The following TMEM87B variants were observed in gnomAD, a reference collection of about 807,000 sequenced individuals.
The protein encoded by TMEM87B is transmembrane protein 87B.
In TMEM87B, 83 loss-of-function variants were observed where a neutral mutation model predicts 80.3. That is an observed-to-expected ratio of 1.03 (90% CI 0.87 to 1.24). The LOEUF is 1.24. TMEM87B is among the 50% of genes most tolerant of loss of function. The probability of loss-of-function intolerance (pLI) is 0.00; values close to 1 mark genes in which losing one functional copy is unlikely to be tolerated. For missense variants in TMEM87B, 625 were observed against 674.4 expected (o/e 0.93, Z 0.81); for synonymous variants, 219 against 230.5 (o/e 0.95, Z 0.45).
Position 112,077,251 on chromosome 2 carries a change from G to C in TMEM87B, c.561G>C (p.Thr187=), listed in dbSNP as rs145540703. The C allele has an allele frequency of 1.9e-4, 295 of 1,592,282 alleles. 1 individual carries two copies. The African/African-American group carries it at 3.6e-3, about 20-fold the overall frequency. ...ATATCTTTATTGTTTCTATTAAAAC[G>C]GAGAATACAGATGCAAGCTGGAATT... ...GFHIFIVSIK[T]ENTDASWNLN... The change falls in exon 6 of 19, where the codon ACG becomes ACC. Residue 187 remains threonine, a synonymous_variant. Transcript: ENST00000283206.
chr2:112,076,503 C>G (rs1369160714), intron 5 of TMEM87B, among the ~76,000 whole-genome samples: 1 of 151,894 alleles, frequency 6.6e-6, no homozygotes, highest in African/African-American at 2.4e-5. Flanking sequence ...CCACACCCGG[C>G]TAATTTTTGT....
At chr2:112,059,875 A>T in intron 1 of TMEM87B, 102 bp from the exon 2 acceptor site, 1 of 1,387,930 alleles carries the variant, frequency 7.2e-7, no homozygotes, top group Non-Finnish European at 9.6e-7. Flanking sequence ...TACTCTTGTC[A>T]GAGAGAGGAG....
chr2:112,080,271 A>T (rs1478940025), intron 6 of TMEM87B, among the ~76,000 whole-genome samples: 14 of 106,572 alleles, frequency 1.3e-4, no homozygotes, highest in South Asian at 2.9e-4. Flanking sequence ...ATCTTTTTTT[A>T]TTTTTTGAGA....
chr2:112,110,548 T>A (rs898116950), intron 17 of TMEM87B, among the ~76,000 whole-genome samples: 25 of 152,182 alleles, frequency 1.6e-4, no homozygotes, highest in Admixed American at 2.6e-4. Flanking sequence ...TCCTGCACTG[T>A]TATATGGAAT....
chr2:112,103,631 A>G (rs970308409), intron 15 of TMEM87B, among the ~76,000 whole-genome samples: 6 of 152,188 alleles, frequency 3.9e-5, no homozygotes, highest in African/African-American at 1.4e-4. Flanking sequence ...AAAGTAGATC[A>G]GTGCTTGTCA....
intron 15 of TMEM87B, among the ~76,000 whole-genome samples, chr2:112,101,500 CTT>C (rs1253488209): frequency 6.6e-6 from 1 of 152,150 alleles, no homozygotes; most frequent in Non-Finnish European, 1.5e-5. Flanking sequence ...CTACTTATAA[CTT>C]TTGACTCTCC....
At chr2:112,089,814 G>A (rs1573711239) in intron 10 of TMEM87B, 96 bp downstream of exon 10, 1 of 1,183,896 alleles carries the variant, frequency 8.4e-7, no homozygotes, top group East Asian at 2.4e-5. Flanking sequence ...ATAGAAACTT[G>A]TGAAAAAGGC....
chr2:112,057,717 T>TA (rs1280827086), intron 1 of TMEM87B, among the ~76,000 whole-genome samples: 1 of 152,270 alleles, frequency 6.6e-6, no homozygotes, highest in Non-Finnish European at 1.5e-5. Flanking sequence ...ATAATACGGA[T>TA]AACAGATTTA....
chr2:112,087,075 C>T (rs184657121), intron 9 of TMEM87B, among the ~76,000 whole-genome samples: 325 of 152,260 alleles, frequency 2.1e-3, no homozygotes, highest in African/African-American at 7.0e-3. Flanking sequence ...TGGCACCTTC[C>T]GTTGTCCCTC....
At position 112,081,453 on chromosome 2, in the gene TMEM87B, T is replaced by G; in HGVS notation, c.773T>G (p.Leu258Trp). The change falls in exon 8 of 19, where the codon TTG becomes TGG. Residue 258 changes from leucine to tryptophan, a missense_variant. Leu to Trp is a moderately conservative substitution (Grantham distance 61). Transcript: ENST00000283206. Reference protein sequence around the residue: ...IQFWIAAVIFLGMLEKAVFYS... With the variant: ...IQFWIAAVIFWGMLEKAVFYS... ...TTCTGGATTGCAGCTGTTATTTTTT[T>G]GGGAATGCTTGAAAAAGCAGTTTTT... The G allele has an allele frequency of 6.2e-7, 1 of 1,613,638 alleles. No individual in the cohort carries two copies.
intron 4 of TMEM87B, among the ~76,000 whole-genome samples, chr2:112,071,019 GT>G (rs1459747529): frequency 6.6e-6 from 1 of 151,310 alleles, no homozygotes; most frequent in Non-Finnish European, 1.5e-5. Flanking sequence ...TAGAGATGGG[GT>G]TTCACTGTGT....
chr2:112,105,895 C>T (rs754140432), intron 15 of TMEM87B, 107 bp from the exon 16 acceptor site: 53 of 702,946 alleles, frequency 7.5e-5, no homozygotes, highest in Non-Finnish European at 1.1e-4. Context: ...CATTATTAAC[C>T]CTCCATTTCT....
chr2:112,090,024 G>A (rs574868843), intron 10 of TMEM87B, among the ~76,000 whole-genome samples: 36 of 152,282 alleles, frequency 2.4e-4, no homozygotes, highest in African/African-American at 8.7e-4. Flanking sequence ...TATGCAGCTG[G>A]TATACCTTAA....
rs1270428217 is a variant in TMEM87B at position 112,055,735 on chromosome 2, C to T, written c.144C>T (p.Leu48=). ...AAVRAVPELG[L]WLETVNDKSG... ...TGCGCGCGGTCCCTGAGCTCGGGCT[C>T]TGGTTAGAGACAGTCAACGACGTAA... Residue 48 remains leucine, a synonymous_variant, in exon 1 of 19, where the codon CTC becomes CTT. Coordinates refer to ENST00000283206, the MANE Select transcript of TMEM87B (RefSeq NM_032824.3). 1.8e-5 allele frequency: 28 copies of T among 1,520,458 alleles called. No homozygotes were observed. Among genetic ancestry groups the T allele is most frequent in the Non-Finnish European group, 2.4e-5 (27 of 1,141,624 alleles). The allele number at this position is 1,520,458 out of a possible 1,614,324, so 94.2% of individuals were successfully genotyped here.
At chr2:112,077,096 G>A (rs573336857) in intron 5 of TMEM87B, 96 bp from the exon 6 acceptor site, 14 of 496,410 alleles carry the variant, frequency 2.8e-5, no homozygotes, top group South Asian at 2.1e-4. Context: ...AAAGTAACCC[G>A]ATTCAATTAC....
chr2:112,064,343 A>G lies in TMEM87B; in HGVS notation c.318+90A>G, dbSNP rs138738068. 86 of 1,105,214 alleles carry G rather than the reference A, an allele frequency of 7.8e-5. No individual in the cohort carries two copies. In the African/African-American group the frequency reaches 1.2e-3, roughly 16 times the overall value. The allele number at this position is 1,105,214 out of a possible 1,614,324, so 68.5% of individuals were successfully genotyped here. On this transcript the variant is annotated intron_variant, in intron 3 of 18. Coordinates refer to ENST00000283206, the MANE Select transcript of TMEM87B (RefSeq NM_032824.3). The stretch of plus-strand genomic sequence containing the variant: ...AGCTCATCAAGCGAGGAGGCTAGAA[A>G]TAGAGATTACAGTTTTAGAAGTGCT...
At chr2:112,066,861 G>T in intron 3 of TMEM87B, 75 bp from the exon 4 acceptor site, 1 of 1,314,488 alleles carries the variant, frequency 7.6e-7, no homozygotes, top group Non-Finnish European at 1.0e-6. Flanking sequence ...GTATTATTTA[G>T]ACATTAACTT....
At chr2:112,080,934 T>C (rs1263775844) in intron 6 of TMEM87B, 123 bp from the exon 7 acceptor site, 1 of 775,684 alleles carries the variant, frequency 1.3e-6, no homozygotes, top group African/African-American at 1.7e-5. Flanking sequence ...ACCATGTATG[T>C]GCTACATACA....
intron 17 of TMEM87B, among the ~76,000 whole-genome samples, chr2:112,111,179 T>C (rs929495410): frequency 2.6e-5 from 4 of 152,200 alleles, no homozygotes; most frequent in Admixed American, 6.5e-5. Context: ...TGTGGTTTTG[T>C]TTGTGATCCT....
Sources: gnomAD v4.1 joint callset for allele counts (sites outside exome capture counted in the v4.1 genomes callset) on GRCh38, gnomAD v4.1.1 for gene constraint, MANE v1.5 for transcripts, NCBI Gene and HGNC (gene_info 2026-07-23, HGNC 2026-07-21) for gene names.